Variants in ACYP2 observed in about 807,000 individuals in gnomAD.
The protein encoded by ACYP2 is acylphosphatase-2.
A neutral mutation model predicts 11.2 loss-of-function variants in ACYP2; 12 were observed. The ratio of observed to expected loss-of-function variants is 1.08; its 90% CI spans 0.69 to 1.74. The LOEUF (loss-of-function observed/expected upper bound fraction) is 1.74, where lower values mean the gene tolerates loss of function less well. Among genes scored for constraint, ACYP2 ranks in the 40% most tolerant of loss-of-function variants. The probability of loss-of-function intolerance (pLI) is 0.00; values close to 1 mark genes in which losing one functional copy is unlikely to be tolerated. For missense variants in ACYP2, 134 were observed against 101.9 expected, an observed-to-expected ratio of 1.31 and a Z score of -1.35; for synonymous variants, 43 against 32.2, an observed-to-expected ratio of 1.33 and a Z score of -1.13.
chr2:54,085,016 A>T (rs1058320), intron 4 of ACYP2: 85,669 of 152,050 alleles, frequency 0.56, 24,261 homozygotes, highest in East Asian at 0.72. Flanking sequence ...CGGATGGAAT[A>T]TTCTATGTCT....
intron 6 of ACYP2, among the ~76,000 whole-genome samples, chr2:54,179,143 T>C (rs1683598294): frequency 6.6e-6 from 1 of 151,600 alleles, no homozygotes; most frequent in African/African-American, 2.4e-5. Context: ...ATGCGCTTAT[T>C]AAATGAAGTT....
At chr2:54,236,300 T>C (rs989381926) in intron 6 of ACYP2, among the ~76,000 whole-genome samples, 3 of 152,160 alleles carry the variant, frequency 2.0e-5, no homozygotes, top group African/African-American at 7.2e-5. Context: ...GTTTAGCTTA[T>C]TGCTTTTCAG....
chr2:54,148,883 G>T (rs935139539), intron 6 of ACYP2, among the ~76,000 whole-genome samples: 3 of 152,348 alleles, frequency 2.0e-5, no homozygotes, highest in East Asian at 1.9e-4. Context: ...GTCAGACTCA[G>T]TGTGGCACAT....
At chr2:54,035,516 C>T (rs1674848820) in intron 2 of ACYP2, among the ~76,000 whole-genome samples, 1 of 152,200 alleles carries the variant, frequency 6.6e-6, no homozygotes, top group South Asian at 2.1e-4. Context: ...CCACCCGCCT[C>T]GGCCTCCCAA....
At chr2:54,074,503 A>G (rs1333426255) in intron 4 of ACYP2, among the ~76,000 whole-genome samples, 1 of 152,128 alleles carries the variant, frequency 6.6e-6, no homozygotes, top group Non-Finnish European at 1.5e-5. Flanking sequence ...TGTGAATATT[A>G]TAAAAATCAC....
At chr2:54,029,684 A>G (rs2104553107) in intron 2 of ACYP2, 2 of 503,860 alleles carry the variant, frequency 4.0e-6, no homozygotes, top group Admixed American at 2.3e-5. Flanking sequence ...TAAAGTGCTT[A>G]ATACCCACGT....
At chr2:54,143,596 G>C (rs1392631435) in intron 6 of ACYP2, among the ~76,000 whole-genome samples, 1 of 151,998 alleles carries the variant, frequency 6.6e-6, no homozygotes, top group African/African-American at 2.4e-5. Flanking sequence ...ACCACTCCCA[G>C]CTAATTTTTG....
At chr2:54,079,799 G>C (rs1223231275) in intron 4 of ACYP2, 1 of 152,212 alleles carries the variant, frequency 6.6e-6, no homozygotes, top group African/African-American at 2.4e-5. Flanking sequence ...AAGTACAGAA[G>C]TGAACATTTA....
At chr2:54,180,634 A>T (rs889371712) in intron 6 of ACYP2, among the ~76,000 whole-genome samples, 2 of 152,098 alleles carry the variant, frequency 1.3e-5, no homozygotes, top group African/African-American at 4.8e-5. Context: ...GGCTCACTGC[A>T]GTTTCAACCT....
At chr2:54,000,979 C>T (rs990041248) in intron 2 of ACYP2, among the ~76,000 whole-genome samples, 7 of 152,354 alleles carry the variant, frequency 4.6e-5, no homozygotes, top group Admixed American at 4.6e-4. Context: ...GCTGCTGTGA[C>T]TGCTTTCAAC....
At chr2:54,088,426 C>T (rs752979864) in intron 4 of ACYP2, among the ~76,000 whole-genome samples, 2 of 152,124 alleles carry the variant, frequency 1.3e-5, no homozygotes, top group Admixed American at 1.3e-4. Context: ...CAAAGGAGCC[C>T]GTACGTTATT....
chr2:54,001,281 G>T (rs959363591), intron 2 of ACYP2, among the ~76,000 whole-genome samples: 10 of 152,012 alleles, frequency 6.6e-5, no homozygotes, highest in African/African-American at 2.2e-4. Flanking sequence ...GGAATACTTG[G>T]GTCTGGGTGT....
chr2:54,131,499 C>T (rs1379657207), intron 4 of ACYP2, among the ~76,000 whole-genome samples: 5 of 152,170 alleles, frequency 3.3e-5, no homozygotes, highest in African/African-American at 7.2e-5. Context: ...GAGAAATCTA[C>T]GTGACAGGCT....
intron 6 of ACYP2, chr2:54,254,296 T>A (rs1687377229): frequency 6.6e-6 from 1 of 152,324 alleles, no homozygotes; most frequent in Non-Finnish European, 1.5e-5. Context: ...GAGATCCCTG[T>A]TTATTAGAAA....
chr2:54,200,398 C>T (rs1684704371), intron 6 of ACYP2, among the ~76,000 whole-genome samples: 1 of 152,080 alleles, frequency 6.6e-6, no homozygotes, highest in Non-Finnish European at 1.5e-5. Flanking sequence ...GAGTTGGATA[C>T]CCATTGGCAG....
At chr2:54,171,687 T>A (rs1056107020) in intron 6 of ACYP2, among the ~76,000 whole-genome samples, 13 of 152,200 alleles carry the variant, frequency 8.5e-5, no homozygotes, top group Non-Finnish European at 1.5e-4. Context: ...TCATTAGTAA[T>A]TCTAAAAATT....
At chr2:54,010,534 A>G (rs1673302715) in intron 2 of ACYP2, among the ~76,000 whole-genome samples, 1 of 151,890 alleles carries the variant, frequency 6.6e-6, no homozygotes, top group African/African-American at 2.4e-5. Context: ...ATTATTGTAC[A>G]TTGTATGCCT....
intron 6 of ACYP2, chr2:54,255,570 C>A: frequency 1.7e-6 from 2 of 1,179,832 alleles, no homozygotes; most frequent in Non-Finnish European, 2.3e-6. Context: ...CGTTCAGGGG[C>A]CCGGGCCCGG....
At chr2:54,221,932 A>G (rs1328206369) in intron 6 of ACYP2, among the ~76,000 whole-genome samples, 1 of 152,200 alleles carries the variant, frequency 6.6e-6, no homozygotes, top group African/African-American at 2.4e-5. Flanking sequence ...GAAATGACAT[A>G]GGAACCATGG....
Sources: gnomAD v4.1 joint callset for allele counts (sites outside exome capture counted in the v4.1 genomes callset) on GRCh38, gnomAD v4.1.1 for gene constraint, MANE v1.5 for transcripts, NCBI Gene and HGNC (gene_info 2026-07-23, HGNC 2026-07-21) for gene names.